TUSC3: variants seen among roughly 807,000 people sequenced by gnomAD.
TUSC3 encodes the protein tumor suppressor candidate 3, also known as dolichyl-diphosphooligosaccharide--protein glycosyltransferase subunit TUSC3.
A neutral mutation model predicts 44.8 loss-of-function variants in TUSC3; 45 were observed. The observed-to-expected ratio is 1.00, with a 90% CI of 0.79 to 1.29. TUSC3 has a LOEUF of 1.29. Among genes scored for constraint, TUSC3 ranks in the 50% most tolerant of loss-of-function variants. TUSC3 has a pLI of 0.00. For missense variants in TUSC3, 519 were observed against 437.9 expected (o/e 1.19, Z -1.65); for synonymous variants, 212 against 152.9 (o/e 1.39, Z -2.85).
upstream of TUSC3, among the ~76,000 whole-genome samples, chr8:15,537,808 A>G (rs939862956): frequency 6.6e-6 from 1 of 152,178 alleles, no homozygotes; most frequent in Non-Finnish European, 1.5e-5. Flanking sequence ...GAGAAAGGGA[A>G]AGATGATGAG....
intron 3 of TUSC3, among the ~76,000 whole-genome samples, chr8:15,653,276 T>C (rs775062066): frequency 1.1e-4 from 17 of 152,132 alleles, no homozygotes; most frequent in Non-Finnish European, 1.9e-4. Context: ...AGAAGAAATG[T>C]AGGCCACATG....
chr8:15,554,913 A>G (rs552835697), intron 1 of TUSC3, among the ~76,000 whole-genome samples: 1 of 151,206 alleles, frequency 6.6e-6, no homozygotes, highest in Admixed American at 6.6e-5. Context: ...CCAACATTTT[A>G]TTATAATTTT....
chr8:15,740,529 A>AAC (rs1811146986), intron 7 of TUSC3, among the ~76,000 whole-genome samples: 1 of 150,262 alleles, frequency 6.7e-6, no homozygotes, highest in East Asian at 2.0e-4. Flanking sequence ...AAAAAAAAAG[A>AAC]ACAAGCAGTG....
chr8:15,792,378 C>G, the TUSC3 span, among the ~76,000 whole-genome samples: 1 of 152,040 alleles, frequency 6.6e-6, no homozygotes, highest in African/African-American at 2.4e-5. Context: ...TGGCCACTTT[C>G]GAGTGGCAAA....
chr8:15,546,004 T>C (rs1801849819), intron 1 of TUSC3, among the ~76,000 whole-genome samples: 1 of 151,836 alleles, frequency 6.6e-6, no homozygotes, highest in Non-Finnish European at 1.5e-5. Context: ...CCTACCAGGA[T>C]AGAAAATTTA....
At chr8:15,611,677 T>C (rs1205030830) in intron 1 of TUSC3, among the ~76,000 whole-genome samples, 1 of 152,204 alleles carries the variant, frequency 6.6e-6, no homozygotes, top group Non-Finnish European at 1.5e-5. Flanking sequence ...ATTTACTGTA[T>C]AGCTCATTGT....
At chr8:15,701,335 A>C (rs899789886) in intron 6 of TUSC3, among the ~76,000 whole-genome samples, 1 of 152,160 alleles carries the variant, frequency 6.6e-6, no homozygotes, top group Non-Finnish European at 1.5e-5. Flanking sequence ...TGAAGTTCCC[A>C]TAAAATGAAT....
At chr8:15,515,341 A>G (rs990285336) in intron 2 of TUSC3, among the ~76,000 whole-genome samples, 2 of 152,278 alleles carry the variant, frequency 1.3e-5, no homozygotes, top group East Asian at 1.9e-4. Context: ...CAGATTTTTT[A>G]CTAACATGGT....
intron 2 of TUSC3, among the ~76,000 whole-genome samples, chr8:15,624,358 G>A (rs1805395191): frequency 6.6e-6 from 1 of 152,056 alleles, no homozygotes; most frequent in Non-Finnish European, 1.5e-5. Context: ...TAGGTTGTGT[G>A]GTAGTTTCTA....
At chr8:15,821,387 T>G in the TUSC3 span, among the ~76,000 whole-genome samples, 3 of 107,806 alleles carry the variant, frequency 2.8e-5, no homozygotes, top group African/African-American at 3.2e-5. Flanking sequence ...GATTGGGGAG[T>G]AGTCCTGTTT....
chr8:15,584,526 G>C (rs772802108), intron 1 of TUSC3, among the ~76,000 whole-genome samples: 20 of 152,166 alleles, frequency 1.3e-4, no homozygotes, highest in Non-Finnish European at 2.6e-4. Context: ...AAACTAACAA[G>C]AGCAATATAA....
intron 1 of TUSC3, among the ~76,000 whole-genome samples, chr8:15,475,154 C>T (rs963007062): frequency 1.3e-5 from 2 of 152,102 alleles, no homozygotes; most frequent in Non-Finnish European, 2.9e-5. Flanking sequence ...CCATGCTACA[C>T]CTAAAGTCTT....
At chr8:15,501,852 C>G (rs996333889) in intron 2 of TUSC3, among the ~76,000 whole-genome samples, 1 of 152,160 alleles carries the variant, frequency 6.6e-6, no homozygotes, top group African/African-American at 2.4e-5. Flanking sequence ...AGTTAAAAAT[C>G]AAATTGTATT....
chr8:15,615,324 A>G (rs541740923), intron 1 of TUSC3, among the ~76,000 whole-genome samples: 1 of 152,350 alleles, frequency 6.6e-6, no homozygotes, highest in South Asian at 2.1e-4. Flanking sequence ...GGATGAGTCC[A>G]GAGGACATTG....
chr8:15,649,889 A>T (rs898769434), intron 2 of TUSC3, among the ~76,000 whole-genome samples: 3 of 152,160 alleles, frequency 2.0e-5, no homozygotes, highest in African/African-American at 7.2e-5. Flanking sequence ...AGAACAGTCA[A>T]CCATACTGAA....
chr8:15,762,083 G>C (rs567444996), intron 10 of TUSC3, among the ~76,000 whole-genome samples: 1 of 151,812 alleles, frequency 6.6e-6, no homozygotes, highest in East Asian at 1.9e-4. Context: ...GAAAATAAAA[G>C]TGAAACCTGA....
At chr8:15,808,853 G>C in the TUSC3 span, among the ~76,000 whole-genome samples, 1 of 151,936 alleles carries the variant, frequency 6.6e-6, no homozygotes, top group Non-Finnish European at 1.5e-5. Flanking sequence ...ACCTACACAG[G>C]TTGTCTTTTT....
intron 6 of TUSC3, among the ~76,000 whole-genome samples, chr8:15,704,021 G>A (rs1809512295): frequency 1.3e-5 from 2 of 152,088 alleles, no homozygotes; most frequent in African/African-American, 4.8e-5. Flanking sequence ...ATTTTAGCCA[G>A]GGGACACAGA....
At chr8:15,763,660 T>C (rs1812242310) in intron 10 of TUSC3, among the ~76,000 whole-genome samples, 1 of 152,070 alleles carries the variant, frequency 6.6e-6, no homozygotes, top group Non-Finnish European at 1.5e-5. Context: ...TTTAAAAAAA[T>C]AACATAGTTA....
Sources: gnomAD v4.1 joint callset for allele counts (sites outside exome capture counted in the v4.1 genomes callset) on GRCh38, gnomAD v4.1.1 for gene constraint, MANE v1.5 for transcripts, NCBI Gene and HGNC (gene_info 2026-07-23, HGNC 2026-07-21) for gene names.